ITSN1: variants seen among roughly 807,000 people sequenced by gnomAD.
ITSN1 encodes intersectin 1.
In ITSN1, 58 loss-of-function variants were observed where a neutral mutation model predicts 239.8. The observed-to-expected ratio is 0.24, with a 90% CI of 0.20 to 0.30. The LOEUF (loss-of-function observed/expected upper bound fraction) is 0.30. Among genes scored for constraint, ITSN1 ranks in the 10% least tolerant of loss-of-function variants. ITSN1 has a pLI of 1.00. For synonymous variants in ITSN1, 780 were observed against 770.8 expected (o/e 1.01, Z -0.20); for missense variants, 1,558 against 2,103.3 (o/e 0.74, Z 5.07).
chr21:33,838,649 C>G lies in ITSN1; in HGVS notation c.3661+2017C>G, dbSNP rs572341414. On this transcript the variant is annotated intron_variant, in intron 29 of 39. Coordinates refer to ENST00000381318, the MANE Select transcript of ITSN1 (RefSeq NM_003024.3). ...AGACATTATCAGAGGCTCGCCGAGT[C>G]TTTGTTGAACAGCCCTCCCTCTCCC... 3.8e-4 allele frequency among the ~76,000 whole-genome samples: 58 copies of G among 152,242 alleles called. 4 individuals carry two copies. The South Asian group carries it at 0.011, about 28-fold the overall frequency.
intron 29 of ITSN1, among the ~76,000 whole-genome samples, chr21:33,843,374 A>C (rs2074889892): frequency 1.3e-5 from 2 of 152,168 alleles, no homozygotes; most frequent in African/African-American, 2.4e-5. Context: ...TAAGGATTCC[A>C]ACACATTTTC....
intron 17 of ITSN1, among the ~76,000 whole-genome samples, chr21:33,795,395 G>A (rs560529694): frequency 6.6e-6 from 1 of 152,326 alleles, no homozygotes; most frequent in South Asian, 2.1e-4. Context: ...GTTGCAGTGA[G>A]CTGAGATCAT....
intron 1 of ITSN1, among the ~76,000 whole-genome samples, chr21:33,652,800 G>A (rs2088659460): frequency 6.6e-6 from 1 of 151,982 alleles, no homozygotes; most frequent in Non-Finnish European, 1.5e-5. Flanking sequence ...TAACCAACTT[G>A]TCTTGCTGGA....
At chr21:33,701,233 G>C (rs965745561) in intron 1 of ITSN1, among the ~76,000 whole-genome samples, 5 of 152,092 alleles carry the variant, frequency 3.3e-5, no homozygotes, top group Admixed American at 1.3e-4. Context: ...TAAGTAATTG[G>C]AACTATAGGC....
intron 1 of ITSN1, among the ~76,000 whole-genome samples, chr21:33,696,167 T>C (rs957652822): frequency 6.6e-5 from 10 of 152,216 alleles, no homozygotes; most frequent in Non-Finnish European, 1.3e-4. Flanking sequence ...TTTTCATTGA[T>C]GTTGCAGTAA....
At chr21:33,693,057 A>G (rs576010227) in intron 1 of ITSN1, among the ~76,000 whole-genome samples, 1 of 152,266 alleles carries the variant, frequency 6.6e-6, no homozygotes, top group South Asian at 2.1e-4. Context: ...TCGCCTCCCG[A>G]AGTGCTGGGA....
chr21:33,766,095 T>A, intron 10 of ITSN1, 83 bp downstream of exon 10: 1 of 1,420,594 alleles, frequency 7.0e-7, no homozygotes, highest in Non-Finnish European at 9.8e-7. Context: ...GTGTCTTACC[T>A]GATTTTCATC....
At chr21:33,658,264 G>T (rs1169990612) in intron 1 of ITSN1, among the ~76,000 whole-genome samples, 1 of 152,170 alleles carries the variant, frequency 6.6e-6, no homozygotes, top group Non-Finnish European at 1.5e-5. Context: ...GGAGGAGGAA[G>T]AAGGGTTGGT....
At chr21:33,864,257 A>G (rs866142370) in intron 31 of ITSN1, among the ~76,000 whole-genome samples, 1 of 152,088 alleles carries the variant, frequency 6.6e-6, no homozygotes, top group African/African-American at 2.4e-5. Context: ...CCATCTACCC[A>G]TCCATCCACC....
intron 15 of ITSN1, 79 bp downstream of exon 15, chr21:33,781,627 C>T (rs1266428566): frequency 4.8e-6 from 4 of 832,950 alleles, no homozygotes; most frequent in Non-Finnish European, 7.5e-6. Context: ...GTCCCCCAGG[C>T]TGGAGTGCAG....
intron 8 of ITSN1, chr21:33,757,112 GGTTT>G (rs1311647581): frequency 2.0e-5 from 3 of 152,120 alleles, no homozygotes; most frequent in Non-Finnish European, 2.9e-5. Context: ...TGTTTTACAT[GGTTT>G]GTTTGACACC....
intron 1 of ITSN1, among the ~76,000 whole-genome samples, chr21:33,651,436 T>G (rs1387662570): frequency 2.6e-5 from 4 of 152,194 alleles, no homozygotes; most frequent in Non-Finnish European, 4.4e-5. Context: ...TTTATCTTTG[T>G]GATGAGGATA....
chr21:33,874,156 C>CAAAA (rs778588764), intron 33 of ITSN1, among the ~76,000 whole-genome samples: 83 of 29,184 alleles, frequency 2.8e-3, no homozygotes, highest in African/African-American at 9.3e-3. Context: ...AACTCCGTCT[C>CAAAA]AAAAAAAAAA....
At chr21:33,651,353 G>A (rs2088515224) in intron 1 of ITSN1, among the ~76,000 whole-genome samples, 1 of 152,192 alleles carries the variant, frequency 6.6e-6, no homozygotes, top group South Asian at 2.1e-4. Flanking sequence ...TTGGAGGATG[G>A]ATAGAGAGGA....
At chr21:33,867,908 T>G (rs1441105894) in intron 33 of ITSN1, among the ~76,000 whole-genome samples, 1 of 152,120 alleles carries the variant, frequency 6.6e-6, no homozygotes, top group African/African-American at 2.4e-5. Context: ...AGTTGTTCGT[T>G]CCTCCCGGTG....
chr21:33,660,490 A>AC (rs2146255659), intron 1 of ITSN1, among the ~76,000 whole-genome samples: 1 of 152,334 alleles, frequency 6.6e-6, no homozygotes, highest in East Asian at 1.9e-4. Flanking sequence ...TGTTCACAAA[A>AC]CAAAAAAATT....
chr21:33,829,804 C>A, intron 27 of ITSN1, 59 bp downstream of exon 27: 1 of 1,591,588 alleles, frequency 6.3e-7, no homozygotes, highest in South Asian at 1.1e-5. Context: ...CACAAAATCT[C>A]AAAGGGACGC....
In ITSN1 at chr21:33,899,073, C is replaced by CT. The variant is rs1986950325; in HGVS notation, c.*10774dup. On this transcript the variant is annotated 3_prime_UTR_variant, in exon 40 of 40. Coordinates refer to ENST00000381318, the MANE Select transcript of ITSN1 (RefSeq NM_003024.3). Reference sequence around the variant, plus strand: ...TACCAACCCCAAACAGGCCCTGACTCTCCTTCCTTAGAACGATGCCCTCTG... The same window carrying CT: ...TACCAACCCCAAACAGGCCCTGACTCTTCCTTCCTTAGAACGATGCCCTCTG... 1 of 152,280 alleles carries CT rather than the reference C, an allele frequency of 6.6e-6. No individual in the cohort carries two copies. Among genetic ancestry groups the CT allele is most frequent in the South Asian group, 2.1e-4 (1 of 4,832 alleles). 9.4% of individuals were successfully genotyped at this position (152,280 alleles called of 1,614,324 possible).
At chr21:33,887,903 C>T (rs143738839) in intron 39 of ITSN1, among the ~76,000 whole-genome samples, 67 of 152,048 alleles carry the variant, frequency 4.4e-4, no homozygotes, top group African/African-American at 1.6e-3. Flanking sequence ...CCACTGTGCC[C>T]GGCCACCTTC....
Sources: gnomAD v4.1 joint callset for allele counts (sites outside exome capture counted in the v4.1 genomes callset) on GRCh38, gnomAD v4.1.1 for gene constraint, MANE v1.5 for transcripts, NCBI Gene and HGNC (gene_info 2026-07-23, HGNC 2026-07-21) for gene names.